CC2D2B: variants seen among roughly 807,000 people sequenced by gnomAD.
CC2D2B encodes protein CC2D2B.
CC2D2B carries 128 observed loss-of-function variants against 161.2 expected under a neutral mutation model. That is an observed-to-expected ratio of 0.79 (90% CI 0.69 to 0.92). CC2D2B has a LOEUF of 0.92. Among genes scored for constraint, CC2D2B ranks in the 40% least tolerant of loss-of-function variants. The pLI, the probability that CC2D2B is intolerant of heterozygous loss-of-function variation, is 0.00. For synonymous variants in CC2D2B, 391 were observed against 449.8 expected (o/e 0.87, Z 1.65); for missense variants, 1,173 against 1,375.1 (o/e 0.85, Z 2.32).
At chr10:95,995,239 G>T in intron 22 of CC2D2B, 30 bp from the exon 23 acceptor site, 1 of 1,263,674 alleles carries the variant, frequency 7.9e-7, no homozygotes, top group Non-Finnish European at 1.1e-6. Flanking sequence ...ACTAATTAAG[G>T]TGTATGTCTC....
intron 21 of CC2D2B, 44 bp from the exon 22 acceptor site, chr10:95,992,483 C>G (rs1354536747): frequency 2.0e-5 from 24 of 1,223,332 alleles, no homozygotes; most frequent in Non-Finnish European, 2.2e-5. Context: ...CTTTTAAAAC[C>G]AAGAAAACGT....
intron 14 of CC2D2B, among the ~76,000 whole-genome samples, chr10:95,968,241 C>T (rs1194431556): frequency 2.0e-5 from 3 of 152,150 alleles, no homozygotes; most frequent in Non-Finnish European, 2.9e-5. Flanking sequence ...CACAGCAAGC[C>T]TGTTGCCTTA....
chr10:96,025,147 A>AAAAAAAAAATATATATATATATAT (rs2079640830), intron 33 of CC2D2B, among the ~76,000 whole-genome samples: 1 of 27,342 alleles, frequency 3.7e-5, no homozygotes, highest in South Asian at 1.1e-3. Context: ...CATCTCTACT[A>AAAAAAAAAATATATATATATATAT]AAAAAAAATA....
chr10:95,913,413 T>C (rs2098510139), intron 2 of CC2D2B: 1 of 419,416 alleles, frequency 2.4e-6, no homozygotes, highest in Non-Finnish European at 4.7e-6. Context: ...TTGTGAACAG[T>C]GCTGCAACAA....
In CC2D2B at chr10:95,978,886, A is replaced by G. The variant is rs79016665; in HGVS notation, c.1944-3089A>G. 4.6e-3 allele frequency among the ~76,000 whole-genome samples: 695 copies of G among 152,124 alleles called. 3 individuals carry two copies. The highest frequency in any genetic ancestry group is 5.4e-3 in the Non-Finnish European group (369 of 67,996). On this transcript the variant is annotated intron_variant, in intron 17 of 34. Transcript: ENST00000646931. ...TTCTGTTTGATTCTCTTTCATATCTACATTTTCTTATTTCATTTTGGCATT... is the reference window on the plus strand; with the variant it reads ...TTCTGTTTGATTCTCTTTCATATCTGCATTTTCTTATTTCATTTTGGCATT...
rs1221686981 is a variant in CC2D2B, at chr10:96,032,088, G to C, written c.*80G>C. ...AACTTTTCTGGTACCTTGAGATTTT[G>C]CTGTTTATTCTCAAGTCCAGCTAAG... On this transcript the variant is annotated 3_prime_UTR_variant, in exon 35 of 35. Transcript: ENST00000646931. 2.6e-6 allele frequency: 3 copies of C among 1,137,618 alleles called. No homozygotes were observed. The African/African-American group carries it at 4.7e-5, about 18-fold the overall frequency. The allele number at this position is 1,137,618 out of a possible 1,614,324, so 70.5% of individuals were successfully genotyped here.
intron 25 of CC2D2B, among the ~76,000 whole-genome samples, chr10:96,005,279 G>C (rs984194168): frequency 2.0e-5 from 3 of 152,120 alleles, no homozygotes; most frequent in Admixed American, 6.5e-5. Context: ...CTGAACCCTT[G>C]AAAGTGCTTT....
chr10:95,975,445 C>T (rs1423706630), intron 17 of CC2D2B, among the ~76,000 whole-genome samples: 4 of 151,748 alleles, frequency 2.6e-5, no homozygotes, highest in Admixed American at 2.0e-4. Context: ...AGGAGTTTGA[C>T]AATAAAAAAA....
intron 1 of CC2D2B, among the ~76,000 whole-genome samples, chr10:95,910,883 C>A (rs988924928): frequency 6.6e-6 from 1 of 151,808 alleles, no homozygotes; most frequent in Admixed American, 6.6e-5. Context: ...TTTTTCAGTA[C>A]CCTTTTTGTG....
chr10:95,978,837 AC>A (rs1293661602), intron 17 of CC2D2B, among the ~76,000 whole-genome samples: 1 of 152,042 alleles, frequency 6.6e-6, no homozygotes, highest in Non-Finnish European at 1.5e-5. Context: ...TATAATTTTT[AC>A]TTTTATTTTC....
intron 2 of CC2D2B, chr10:95,919,797 G>A (rs1386139234): frequency 6.6e-6 from 1 of 150,656 alleles, no homozygotes; most frequent in Non-Finnish European, 1.5e-5. Context: ...ATTGAAGTGC[G>A]AGGGCCTGGG....
chr10:95,943,689 C>A (rs575144404), intron 9 of CC2D2B, among the ~76,000 whole-genome samples: 1 of 151,902 alleles, frequency 6.6e-6, no homozygotes, highest in Non-Finnish European at 1.5e-5. Context: ...CTTTAAAGTT[C>A]ATATCTGGTA....
At chr10:95,967,042 G>C (rs118078904) in intron 14 of CC2D2B, among the ~76,000 whole-genome samples, 1 of 151,984 alleles carries the variant, frequency 6.6e-6, no homozygotes, top group Non-Finnish European at 1.5e-5. Context: ...TTGGGAATGT[G>C]CATCATTTAG....
chr10:95,926,345 T>C (rs2098538396), intron 5 of CC2D2B, among the ~76,000 whole-genome samples: 1 of 152,066 alleles, frequency 6.6e-6, no homozygotes, highest in Non-Finnish European at 1.5e-5. Context: ...AGCAAGTGAT[T>C]TTGAGATGTG....
chr10:96,009,011 A>G (rs1343543583), intron 25 of CC2D2B, among the ~76,000 whole-genome samples: 9 of 152,154 alleles, frequency 5.9e-5, no homozygotes, highest in Admixed American at 5.2e-4. Flanking sequence ...TTTCTTTTTG[A>G]TGAATAGATT....
intron 6 of CC2D2B, among the ~76,000 whole-genome samples, chr10:95,927,587 T>C (rs1411292910): frequency 1.5e-5 from 2 of 137,388 alleles, no homozygotes; most frequent in Admixed American, 1.6e-4. Context: ...AGGCAGGCAT[T>C]ATGCTTATCT....
intron 11 of CC2D2B, among the ~76,000 whole-genome samples, chr10:95,957,100 C>A (rs991776461): frequency 6.6e-6 from 1 of 152,064 alleles, no homozygotes; most frequent in African/African-American, 2.4e-5. Flanking sequence ...CCCACCCCTG[C>A]CCCTCAGCCC....
At chr10:95,935,382 C>T (rs1451912149) in intron 6 of CC2D2B, among the ~76,000 whole-genome samples, 2 of 152,162 alleles carry the variant, frequency 1.3e-5, no homozygotes, top group African/African-American at 4.8e-5. Flanking sequence ...AGCCTCTCAT[C>T]AGAATCACTG....
rs1476863289 is a variant in CC2D2B, at chr10:96,032,828, C to T, written c.*820C>T. On this transcript the variant is annotated 3_prime_UTR_variant, in exon 35 of 35. Coordinates refer to ENST00000646931, the MANE Select transcript of CC2D2B (RefSeq NM_001349008.3). ...GAGGGAGGAAATGGTCTTGACAAAT[C>T]TCAGGACTCTTTTTTTCCTTAGTGA... 4.3e-6 allele frequency: 2 copies of T among 468,140 alleles called. No individual in the cohort carries two copies. The highest frequency in any genetic ancestry group is 8.8e-6 in the Non-Finnish European group (2 of 226,108). The allele number at this position is 468,140 out of a possible 1,614,324, so 29.0% of individuals were successfully genotyped here. A position where few individuals can be genotyped will look rare whatever the true frequency, so the allele number is the denominator to read the frequency against.
Sources: allele counts gnomAD v4.1 joint callset (sites outside exome capture counted in the v4.1 genomes callset), GRCh38; gene constraint gnomAD v4.1.1; transcripts MANE v1.5; gene names NCBI Gene and HGNC (gene_info 2026-07-23, HGNC 2026-07-21).